The following ZNF493 variants were observed in gnomAD, a reference collection of about 807,000 sequenced individuals.
The protein encoded by ZNF493 is zinc finger protein 493.
In ZNF493, 11 loss-of-function variants were observed where a neutral mutation model predicts 12.2. The ratio of observed to expected loss-of-function variants is 0.90; its 90% CI spans 0.57 to 1.50. The LOEUF (loss-of-function observed/expected upper bound fraction) is 1.50. Ranked by LOEUF, ZNF493 falls within the 40% of genes most tolerant of loss-of-function variation. The pLI, the probability that ZNF493 is intolerant of heterozygous loss-of-function variation, is 0.00. For missense variants in ZNF493, 950 were observed against 906.6 expected, an observed-to-expected ratio of 1.05 and a Z score of -0.61; for synonymous variants, 286 against 302.6, an observed-to-expected ratio of 0.95 and a Z score of 0.57.
rs761786625 is a variant in ZNF493, at chr19:21,423,134, T to C, written c.475T>C (p.Tyr159His). The change falls in exon 4 of 4, where the codon TAT (tyrosine) becomes CAT (histidine). Residue 159 changes from tyrosine to histidine, a missense_variant. Physicochemically the swap from Tyr to His is moderately conservative, Grantham distance 83. Coordinates refer to ENST00000392288, the MANE Select transcript of ZNF493 (RefSeq NM_001076678.3). ...GAGCAAAATATTTCAATGTGATAAA[T>C]ATGTGAAAGTCTTTCATAAACTTTT... ...TQSKIFQCDKYVKVFHKLLNS... is the reference protein window; with the variant it reads ...TQSKIFQCDKHVKVFHKLLNS... The C allele has an allele frequency of 1.2e-6, 2 of 1,613,454 alleles. No individual in the cohort carries two copies. The highest frequency in any genetic ancestry group is 2.2e-5 in the South Asian group (2 of 90,988).
chr19:21,398,476 T>C (rs1187741295), intron 1 of ZNF493: 1 of 218,164 alleles, frequency 4.6e-6, no homozygotes, highest in Non-Finnish European at 8.9e-6. Context: ...TGGGGTGATG[T>C]GTCCTCAGCC....
At chr19:21,417,808 A>G (rs1311653562) in intron 3 of ZNF493, among the ~76,000 whole-genome samples, 5 of 152,172 alleles carry the variant, frequency 3.3e-5, no homozygotes, top group Non-Finnish European at 7.4e-5. Context: ...AATTGTAAGA[A>G]CTGGGCAGGA....
At chr19:21,410,699 A>G (rs1026205131) in intron 3 of ZNF493, among the ~76,000 whole-genome samples, 4 of 152,098 alleles carry the variant, frequency 2.6e-5, no homozygotes, top group African/African-American at 4.8e-5. Context: ...CATGCATTTA[A>G]TATCATATCT....
At position 21,423,109 on chromosome 19, in the gene ZNF493, G is replaced by T. The variant is rs2030732351; in HGVS notation, c.450G>T (p.Gln150His). ...NELNQYLTTT[Q>H]SKIFQCDKYV... ...TAAACCAGTATTTGACAACTACCCA[G>T]AGCAAAATATTTCAATGTGATAAAT... is the stretch of plus-strand genomic sequence containing the variant. The change falls in exon 4 of 4, where the codon CAG becomes CAT. Residue 150 changes from glutamine (Q) to histidine (H), a missense_variant. Coordinates refer to ENST00000392288, the MANE Select transcript of ZNF493 (RefSeq NM_001076678.3). 3.1e-6 allele frequency: 5 copies of T among 1,613,520 alleles called. No individual in the cohort carries two copies. Among genetic ancestry groups the T allele is most frequent in the African/African-American group, 1.3e-5 (1 of 74,876 alleles).
At chr19:21,408,846 T>A in intron 3 of ZNF493, 2 of 972,268 alleles carry the variant, frequency 2.1e-6, no homozygotes, top group Non-Finnish European at 2.4e-6. Flanking sequence ...CCAATATTGG[T>A]TATGGCTTAT....
chr19:21,407,896 G>A, intron 3 of ZNF493: 2 of 985,162 alleles, frequency 2.0e-6, no homozygotes, highest in Non-Finnish European at 2.4e-6. Flanking sequence ...GTTTACTATT[G>A]GTGTCTGTGA....
Position 21,423,703 on chromosome 19 carries a change from C to T in ZNF493, c.1044C>T (p.Ser348=), listed in dbSNP as rs1289677007. The T allele has an allele frequency of 1.2e-6, 2 of 1,613,462 alleles. No individual in the cohort carries two copies. Among genetic ancestry groups the T allele is most frequent in the Non-Finnish European group, 1.7e-6 (2 of 1,179,776 alleles). The part of the protein sequence containing the change: ...KHKIIHTEEK[S]HRCEEYCKAY... Reference sequence around the variant, plus strand: ...AGATAATTCACACTGAAGAGAAATCCCACAGATGTGAAGAATATTGCAAAG... The same window carrying T: ...AGATAATTCACACTGAAGAGAAATCTCACAGATGTGAAGAATATTGCAAAG... The change falls in exon 4 of 4, where the codon TCC becomes TCT. Residue 348 remains serine, a synonymous_variant. Transcript: ENST00000392288.
intron 1 of ZNF493, among the ~76,000 whole-genome samples, chr19:21,402,158 G>T (rs1044955618): frequency 1.3e-5 from 2 of 151,696 alleles, no homozygotes; most frequent in African/African-American, 4.8e-5. Flanking sequence ...TAGTAGAGAT[G>T]GGGTTTCGCT....
At chr19:21,420,623 A>ATTTTTTTTTTTT in intron 3 of ZNF493, among the ~76,000 whole-genome samples, 1 of 16,118 alleles carries the variant, frequency 6.2e-5, no homozygotes, top group Non-Finnish European at 1.1e-4. Flanking sequence ...ATATATATAT[A>ATTTTTTTTTTTT]TTTTTTTTTT....
intron 1 of ZNF493, chr19:21,398,018 G>T (rs7246684): frequency 0.19 from 28,830 of 152,022 alleles, 2,963 homozygotes; most frequent in Non-Finnish European, 0.24. Flanking sequence ...AAATACCTCA[G>T]TCTAATTGCC....
chr19:21,407,562 T>TA (rs2030173615), intron 3 of ZNF493: 14 of 906,588 alleles, frequency 1.5e-5, no homozygotes, highest in Non-Finnish European at 1.8e-5. Flanking sequence ...GTGCTGGTAT[T>TA]ACAGGCGTGA....
chr19:21,406,346 GT>G (rs201891794), intron 3 of ZNF493, among the ~76,000 whole-genome samples: 8 of 147,980 alleles, frequency 5.4e-5, no homozygotes, highest in Admixed American at 2.0e-4. Context: ...GCATTTTTTT[GT>G]TTTTTTTTTG....
In ZNF493 at chr19:21,423,790, C is replaced by T. The variant is rs1328564863; in HGVS notation, c.1131C>T (p.Tyr377=). The T allele has an allele frequency of 1.2e-6, 2 of 1,611,926 alleles. No homozygotes were observed. Among genetic ancestry groups the T allele is most frequent in the Non-Finnish European group, 1.7e-6 (2 of 1,179,082 alleles). ...HKRIHTGEKP[Y]KCEECGKAFS... is the part of the protein sequence containing the mutation. ...GAATTCATACTGGAGAGAAACCCTA[C>T]AAATGTGAAGAATGTGGCAAAGCCT... Residue 377 remains tyrosine, a synonymous_variant, in exon 4 of 4, where the codon TAC becomes TAT. Transcript: ENST00000392288.
intron 3 of ZNF493, among the ~76,000 whole-genome samples, chr19:21,416,886 A>G (rs114419880): frequency 0.014 from 2,141 of 152,216 alleles, 45 homozygotes; most frequent in African/African-American, 0.048. Flanking sequence ...GCTAACTCCT[A>G]TTGTCCCTGC....
At chr19:21,410,200 G>C (rs189312544) in intron 3 of ZNF493, among the ~76,000 whole-genome samples, 27 of 151,554 alleles carry the variant, frequency 1.8e-4, no homozygotes, top group Middle Eastern at 6.8e-3. Context: ...AGGTCTTCCA[G>C]GTCTTCTGTT....
At position 21,426,298 on chromosome 19, in the gene ZNF493, C is replaced by G; in HGVS notation, c.*1314C>G. ...AAGAACAATGTGGCAAAGTTTTTAA[C>G]TAATACACCTTATTGCACAGAAAAT... On this transcript the variant is annotated 3_prime_UTR_variant, in exon 4 of 4. Coordinates refer to ENST00000392288, the MANE Select transcript of ZNF493 (RefSeq NM_001076678.3). The G allele has an allele frequency of 5.4e-6, 1 of 186,118 alleles. No individual in the cohort carries two copies. Among genetic ancestry groups the G allele is most frequent in the African/African-American group, 2.4e-5 (1 of 41,582 alleles). The allele number at this position is 186,118 out of a possible 1,614,324, so 11.5% of individuals were successfully genotyped here.
At chr19:21,406,021 G>T (rs909913094) in intron 3 of ZNF493, among the ~76,000 whole-genome samples, 165 bp downstream of exon 3, 5 of 151,582 alleles carry the variant, frequency 3.3e-5, no homozygotes, top group African/African-American at 1.2e-4. Context: ...AGGAGTTCGA[G>T]ACCAGACTGG....
chr19:21,410,128 C>T (rs2030276939), intron 3 of ZNF493, among the ~76,000 whole-genome samples: 1 of 146,540 alleles, frequency 6.8e-6, no homozygotes, highest in African/African-American at 2.5e-5. Flanking sequence ...CAAGAGACAT[C>T]TGAGTTGTTT....
chr19:21,406,768 G>A lies in ZNF493; in HGVS notation c.253+912G>A, dbSNP rs990790367. The stretch of plus-strand genomic sequence containing the variant: ...TTTCTCATAATTAATTTGGCTATTC[G>A]AAGTTTATTGTAGTTTTTTGTAAAT... On this transcript the variant is annotated intron_variant, in intron 3 of 3. Coordinates refer to ENST00000392288, the MANE Select transcript of ZNF493 (RefSeq NM_001076678.3). Among the ~76,000 whole-genome samples the A allele has an allele frequency of 9.3e-5, 14 of 151,070 alleles. 1 individual carries two copies. The South Asian group carries it at 2.3e-3, about 25-fold the overall frequency.
Sources: gnomAD v4.1 joint callset for allele counts (sites outside exome capture counted in the v4.1 genomes callset) on GRCh38, gnomAD v4.1.1 for gene constraint, MANE v1.5 for transcripts, NCBI Gene and HGNC (gene_info 2026-07-23, HGNC 2026-07-21) for gene names.